Variants in CPA6 observed in about 807,000 individuals in gnomAD.
CPA6 encodes carboxypeptidase A6.
Under a neutral mutation model 63.3 loss-of-function variants are expected in CPA6, and 58 were observed. The observed-to-expected ratio is 0.92, with a 90% CI of 0.74 to 1.14. The LOEUF is 1.14. Among genes scored for constraint, CPA6 ranks in the 50% most tolerant of loss-of-function variants. The pLI is 0.00. For synonymous variants in CPA6, 185 were observed against 179.0 expected (o/e 1.03, Z -0.27); for missense variants, 565 against 526.6 (o/e 1.07, Z -0.71).
At chr8:67,427,267 C>G (rs1310207270) in intron 10 of CPA6, among the ~76,000 whole-genome samples, 2 of 152,154 alleles carry the variant, frequency 1.3e-5, no homozygotes, top group African/African-American at 2.4e-5. Context: ...CCTAGTGACT[C>G]CCCTAGAAAA....
At chr8:67,699,613 G>T (rs139993938) in intron 1 of CPA6, among the ~76,000 whole-genome samples, 2 of 151,008 alleles carry the variant, frequency 1.3e-5, no homozygotes, top group Non-Finnish European at 2.9e-5. Context: ...TTGAGACAGA[G>T]TTTCACTCTT....
chr8:67,595,238 G>A (rs894496443), intron 2 of CPA6, among the ~76,000 whole-genome samples: 1 of 152,160 alleles, frequency 6.6e-6, no homozygotes, highest in African/African-American at 2.4e-5. Context: ...CGTTCCTCTG[G>A]AAGTTTTGTC....
At chr8:67,475,932 TTC>T (rs149101999) in intron 8 of CPA6, among the ~76,000 whole-genome samples, 14,359 of 76,698 alleles carry the variant, frequency 0.19, 1,559 homozygotes, top group Middle Eastern at 0.23. Flanking sequence ...CTTTCTTTCT[TTC>T]TCTTTCTTTC....
rs562128921 is a variant in CPA6 at position 67,589,043 on chromosome 8, C to T, written c.192+35133G>A. Reference sequence around the variant, plus strand: ...TGAGGTAGGAGGATCACCTGAGCCCCGGAGGCAGAGGTTGCAGTGAGCCAA... The same window carrying T: ...TGAGGTAGGAGGATCACCTGAGCCCTGGAGGCAGAGGTTGCAGTGAGCCAA... On this transcript the variant is annotated intron_variant, in intron 2 of 10. Transcript: ENST00000297770. Among the ~76,000 whole-genome samples the T allele has an allele frequency of 4.6e-5, 7 of 151,764 alleles. No individual in the cohort carries two copies. In the South Asian group the frequency reaches 6.3e-4, roughly 14 times the overall value.
intron 2 of CPA6, among the ~76,000 whole-genome samples, chr8:67,532,480 C>T (rs1320808611): frequency 6.6e-6 from 1 of 151,994 alleles, no homozygotes; most frequent in Non-Finnish European, 1.5e-5. Flanking sequence ...AGTTTGAGAC[C>T]AGCCTGAGAA....
chr8:67,712,668 A>G (rs1250234856), intron 1 of CPA6, among the ~76,000 whole-genome samples: 1 of 152,064 alleles, frequency 6.6e-6, no homozygotes, highest in Non-Finnish European at 1.5e-5. Context: ...ATAAAAGTAA[A>G]TTTGTTTAAA....
chr8:67,576,501 A>G lies in CPA6; in HGVS notation c.192+47675T>C, dbSNP rs191621578. Among the ~76,000 whole-genome samples the G allele has an allele frequency of 7.6e-4, 115 of 152,300 alleles. 3 individuals carry two copies. Among genetic ancestry groups the G allele is most frequent in the Admixed American group, 7.1e-3 (109 of 15,288 alleles). On this transcript the variant is annotated intron_variant, in intron 2 of 10. Coordinates refer to ENST00000297770, the MANE Select transcript of CPA6 (RefSeq NM_020361.5). The stretch of plus-strand genomic sequence containing the variant: ...ATAGGTGTATGCTCTAAAAATGTAG[A>G]AATTTAATTTGACATAATTTCTATA...
At chr8:67,490,710 T>C (rs1347442399) in intron 6 of CPA6, among the ~76,000 whole-genome samples, 1 of 152,144 alleles carries the variant, frequency 6.6e-6, no homozygotes, top group African/African-American at 2.4e-5. Flanking sequence ...CTTATGTACA[T>C]GTTATAGATC....
intron 8 of CPA6, chr8:67,483,139 C>T (rs1811394535): frequency 6.6e-6 from 1 of 152,562 alleles, no homozygotes; most frequent in African/African-American, 2.4e-5. Flanking sequence ...ATTTTCCATC[C>T]TTTCCTTTTT....
At chr8:67,739,718 A>G (rs1465852001) in intron 1 of CPA6, among the ~76,000 whole-genome samples, 1 of 152,190 alleles carries the variant, frequency 6.6e-6, no homozygotes. Context: ...GGAAAACAAG[A>G]TTTTGATGAT....
At chr8:67,714,669 G>T (rs1289802862) in intron 1 of CPA6, among the ~76,000 whole-genome samples, 1 of 152,136 alleles carries the variant, frequency 6.6e-6, no homozygotes, top group Non-Finnish European at 1.5e-5. Context: ...AGTAAGTAAA[G>T]TGAGTAAATA....
At chr8:67,571,593 G>A (rs1390145835) in intron 2 of CPA6, among the ~76,000 whole-genome samples, 1 of 152,024 alleles carries the variant, frequency 6.6e-6, no homozygotes, top group Non-Finnish European at 1.5e-5. Flanking sequence ...ATACTACTTA[G>A]CAATGAAGGT....
chr8:67,564,237 A>T (rs199913704), intron 2 of CPA6, among the ~76,000 whole-genome samples: 1 of 152,156 alleles, frequency 6.6e-6, no homozygotes, highest in Admixed American at 6.5e-5. Context: ...TTCTAGGATT[A>T]AAGTTTGCCA....
intron 2 of CPA6, among the ~76,000 whole-genome samples, chr8:67,561,217 G>T (rs1813203458): frequency 6.6e-6 from 1 of 152,036 alleles, no homozygotes. Context: ...AAAAAAACTG[G>T]TTCCAGGAAC....
chr8:67,441,115 T>C (rs534668300), intron 8 of CPA6, among the ~76,000 whole-genome samples: 22 of 152,232 alleles, frequency 1.4e-4, no homozygotes, highest in Admixed American at 3.3e-4. Flanking sequence ...GGATACTTTC[T>C]CTGAGACACT....
intron 1 of CPA6, among the ~76,000 whole-genome samples, chr8:67,660,673 G>A (rs1266850461): frequency 6.6e-6 from 1 of 151,834 alleles, no homozygotes; most frequent in African/African-American, 2.4e-5. Context: ...TTGTAAGGGT[G>A]CTTTCCACCT....
chr8:67,491,023 C>T (rs940063398), intron 6 of CPA6, among the ~76,000 whole-genome samples: 1 of 151,954 alleles, frequency 6.6e-6, no homozygotes, highest in Non-Finnish European at 1.5e-5. Context: ...ACTGGCAGAA[C>T]GAAGCCTGTT....
intron 2 of CPA6, among the ~76,000 whole-genome samples, chr8:67,545,038 T>C (rs1812785693): frequency 6.6e-6 from 1 of 152,172 alleles, no homozygotes; most frequent in South Asian, 2.1e-4. Flanking sequence ...CCATTTTATA[T>C]TTTTAGAAAG....
chr8:67,670,870 T>C (rs766737315), intron 1 of CPA6, among the ~76,000 whole-genome samples: 6 of 152,318 alleles, frequency 3.9e-5, no homozygotes, highest in Admixed American at 2.6e-4. Context: ...CACTAGGGGA[T>C]ACCAGAAATG....
Sources: gnomAD v4.1 joint callset for allele counts (sites outside exome capture counted in the v4.1 genomes callset) on GRCh38, gnomAD v4.1.1 for gene constraint, MANE v1.5 for transcripts, NCBI Gene and HGNC (gene_info 2026-07-23, HGNC 2026-07-21) for gene names.